Variants in MED25 observed in about 807,000 individuals in gnomAD.
The protein encoded by MED25 is mediator complex subunit 25.
In MED25, 62 loss-of-function variants were observed where a neutral mutation model predicts 89.4. The ratio of observed to expected loss-of-function variants is 0.69; its 90% CI spans 0.57 to 0.86. The LOEUF is 0.86. MED25 is among the 40% of genes least tolerant of loss of function. The pLI is 0.00. For synonymous variants in MED25, 449 were observed against 427.9 expected (o/e 1.05, Z -0.61); for missense variants, 905 against 1,005.2 (o/e 0.90, Z 1.35).
chr19:49,827,109 G>C (rs920918976), intron 3 of MED25, among the ~76,000 whole-genome samples: 1 of 152,118 alleles, frequency 6.6e-6, no homozygotes, highest in Non-Finnish European at 1.5e-5. Flanking sequence ...CACACTTCAG[G>C]GGGACAGGGC....
intron 3 of MED25, among the ~76,000 whole-genome samples, chr19:49,822,424 A>G (rs953955199): frequency 1.3e-5 from 2 of 152,000 alleles, no homozygotes; most frequent in African/African-American, 4.8e-5. Flanking sequence ...TGACTGACTG[A>G]GACCCTGTCT....
At chr19:49,822,262 C>CA (rs1220883878) in intron 3 of MED25, among the ~76,000 whole-genome samples, 7,813 of 47,850 alleles carry the variant, frequency 0.16, 474 homozygotes, top group Non-Finnish European at 0.18. Context: ...GACTCTGTCT[C>CA]AAAAAAAAAA....
chr19:49,828,408 G>A, intron 3 of MED25, 41 bp from the exon 4 acceptor site: 1 of 1,366,666 alleles, frequency 7.3e-7, no homozygotes. Context: ...TGGGGATGGG[G>A]ATGATGGCAA....
chr19:49,832,900 G>T, intron 13 of MED25: 1 of 235,838 alleles, frequency 4.2e-6, no homozygotes, highest in African/African-American at 2.3e-5. Context: ...ATCGCTCCAG[G>T]GTCTTCCTCC....
chr19:49,835,881 TCCTTCGGCCCCAGAACCCTGGGGCCAA>T lies in MED25; in HGVS notation c.1904_1930del (p.Leu635_Asn643del). 6.2e-7 allele frequency: 1 copy of T among 1,612,524 alleles called. No individual in the cohort carries two copies. Among genetic ancestry groups the T allele is most frequent in the Non-Finnish European group, 8.5e-7 (1 of 1,179,800 alleles). On this transcript the variant is annotated inframe_deletion, in exon 16 of 18. Transcript: ENST00000312865. The surrounding 1 kb of genome is among the most constrained non-coding windows in gnomAD (Gnocchi z 6.2). ...TCTGGCCCACCCCCTCCTGGACCCA[TCCTTCGGCCCCAGAACCCTGGGGCCAA>T]CCCTCAGCTGCGAAGCCTCCTCCTC...
Position 49,829,748 on chromosome 19 carries a change from A to C in MED25, c.526-38A>C. 6.4e-7 allele frequency: 1 copy of C among 1,558,016 alleles called. No homozygotes were observed. Among genetic ancestry groups the C allele is most frequent in the African/African-American group, 1.4e-5 (1 of 73,498 alleles). On this transcript the variant is annotated intron_variant, in intron 5 of 17. Coordinates refer to ENST00000312865, the MANE Select transcript of MED25 (RefSeq NM_030973.4). The surrounding 1 kb of genome is among the most constrained non-coding windows in gnomAD (Gnocchi z 4.6). The stretch of plus-strand genomic sequence containing the variant: ...GGGGCCGGCCCCAACACCCTTATGG[A>C]GGGGGCCCGTCATGACTGCTCGGCC...
At position 49,835,538 on chromosome 19, in the gene MED25, G is replaced by A. The variant is rs926634565; in HGVS notation, c.1679G>A (p.Gly560Glu). The change falls in exon 15 of 18, where the codon GGG becomes GAG. Residue 560 changes from glycine to glutamate, a missense_variant. Coordinates refer to ENST00000312865, the MANE Select transcript of MED25 (RefSeq NM_030973.4). This position sits in a 1 kb window ranked among gnomAD's most constrained non-coding sequence, Gnocchi z 6.2. ...QKLEQQQRGM[G>E]GQQAPPGLGP... ...TGCCCCTCTCTCCCCGTGCAGATGG[G>A]GGGACAGCAGGCACCCCCAGGGCTG... is the stretch of plus-strand genomic sequence containing the variant. 5 of 1,558,898 alleles carry A rather than the reference G, an allele frequency of 3.2e-6. No homozygotes were observed. The highest frequency in any genetic ancestry group is 1.7e-6 in the Non-Finnish European group (2 of 1,152,130).
At position 49,834,577 on chromosome 19, in the gene MED25, C is replaced by T. The variant is rs746400651; in HGVS notation, c.1483-409C>T. 3.3e-6 allele frequency: 1 copy of T among 300,848 alleles called. No homozygotes were observed. 18.6% of individuals were successfully genotyped at this position (300,848 alleles called of 1,614,324 possible). ...GAGGGCTGGAGGATCTCTTGGATAC[C>T]CGGGGTCCGACCCACCGTTGATCAC... is the stretch of plus-strand genomic sequence containing the variant. On this transcript the variant is annotated intron_variant, in intron 13 of 17. Transcript: ENST00000312865. This position sits in a 1 kb window ranked among gnomAD's most constrained non-coding sequence, Gnocchi z 4.1.
At chr19:49,823,033 C>T (rs558179336) in intron 3 of MED25, among the ~76,000 whole-genome samples, 3 of 152,200 alleles carry the variant, frequency 2.0e-5, no homozygotes, top group South Asian at 2.1e-4. Flanking sequence ...GCTGCAGCCT[C>T]GACCTCTCGG....
chr19:49,829,187 G>GAGGAGGCAC lies in MED25; in HGVS notation c.525+98_525+106dup. 1 of 1,124,600 alleles carries GAGGAGGCAC rather than the reference G, an allele frequency of 8.9e-7. No individual in the cohort carries two copies. The highest frequency in any genetic ancestry group is 1.3e-5 in the South Asian group (1 of 76,614). The allele number at this position is 1,124,600 out of a possible 1,614,324, so 69.7% of individuals were successfully genotyped here. Reference sequence around the variant, plus strand: ...AGGGCCTGGACTCCTGGGTCTGAGGGAGGAGGCACTGGGGGCCTGGACTCT... The same window carrying GAGGAGGCAC: ...AGGGCCTGGACTCCTGGGTCTGAGGGAGGAGGCACAGGAGGCACTGGGGGCCTGGACTCT... On this transcript the variant is annotated intron_variant, in intron 5 of 17. Coordinates refer to ENST00000312865, the MANE Select transcript of MED25 (RefSeq NM_030973.4). This position sits in a 1 kb window ranked among gnomAD's most constrained non-coding sequence, Gnocchi z 4.6.
intron 3 of MED25, among the ~76,000 whole-genome samples, chr19:49,826,463 C>T (rs996252482): frequency 6.6e-6 from 1 of 152,178 alleles, no homozygotes; most frequent in Non-Finnish European, 1.5e-5. Context: ...GCTCACTGGC[C>T]GGGCCGAGTG....
In MED25 at chr19:49,836,220, T is replaced by G. The variant is rs2123889035; in HGVS notation, c.1966-6T>G. The G allele has an allele frequency of 6.2e-7, 1 of 1,611,388 alleles. No individual in the cohort carries two copies. Among genetic ancestry groups the G allele is most frequent in the East Asian group, 2.2e-5 (1 of 44,838 alleles). ...AGCCTCTGAGCCACTCTCTGTGTTCTCCCAGCCGCAGACTGGGGTGCCCCC... is the reference window on the plus strand; with the variant it reads ...AGCCTCTGAGCCACTCTCTGTGTTCGCCCAGCCGCAGACTGGGGTGCCCCC... On this transcript the variant is annotated splice_region_variant and splice_polypyrimidine_tract_variant and intron_variant, in intron 16 of 17. Transcript: ENST00000312865. The surrounding 1 kb of genome is among the most constrained non-coding windows in gnomAD (Gnocchi z 5.1).
Position 49,830,138 on chromosome 19 carries a change from C to G in MED25, c.739C>G (p.Leu247Val), listed in dbSNP as rs759747760. ...GPLQSKQPVP[L>V]PPAAPSGATL... The stretch of plus-strand genomic sequence containing the variant: ...CCTCCAGTCAAAGCAGCCAGTCCCC[C>G]TGCCTCCCGCCGCACCCTCAGGTGC... Residue 247 changes from leucine to valine, a missense_variant, in exon 7 of 18, where the codon CTG (leucine) becomes GTG (valine). Transcript: ENST00000312865. The surrounding 1 kb of genome is among the most constrained non-coding windows in gnomAD (Gnocchi z 4.6). 1.2e-6 allele frequency: 2 copies of G among 1,608,014 alleles called. No individual in the cohort carries two copies. The highest frequency in any genetic ancestry group is 1.1e-5 in the South Asian group (1 of 90,950).
chr19:49,820,127 T>C (rs936782530), intron 3 of MED25, among the ~76,000 whole-genome samples: 2 of 151,958 alleles, frequency 1.3e-5, no homozygotes, highest in African/African-American at 2.4e-5. Context: ...TGAGCCACTG[T>C]TGCGGGATTC....
chr19:49,830,623 G>A lies in MED25; in HGVS notation c.907+25G>A. ...TGTGAGTCCTGGAGTGAGGATGAAGGGCGGGCAGGGGCCAGGCAGGCCTCT... is the reference window on the plus strand; with the variant it reads ...TGTGAGTCCTGGAGTGAGGATGAAGAGCGGGCAGGGGCCAGGCAGGCCTCT... On this transcript the variant is annotated intron_variant, in intron 8 of 17. Coordinates refer to ENST00000312865, the MANE Select transcript of MED25 (RefSeq NM_030973.4). The surrounding 1 kb of genome is among the most constrained non-coding windows in gnomAD (Gnocchi z 4.6). 6.2e-7 allele frequency: 1 copy of A among 1,613,510 alleles called. No individual in the cohort carries two copies. Among genetic ancestry groups the A allele is most frequent in the Non-Finnish European group, 8.5e-7 (1 of 1,179,456 alleles).
rs763811139 is a variant in MED25, at chr19:49,836,676, T to C, written c.2147-171T>C. ...GGTCTTAGGGCCAGAGAAGTAGTTTTGGAGAAGGGCCCCCAAAGGCTCATG... is the reference window on the plus strand; with the variant it reads ...GGTCTTAGGGCCAGAGAAGTAGTTTCGGAGAAGGGCCCCCAAAGGCTCATG... On this transcript the variant is annotated intron_variant, in intron 17 of 17. Coordinates refer to ENST00000312865, the MANE Select transcript of MED25 (RefSeq NM_030973.4). The surrounding 1 kb of genome is among the most constrained non-coding windows in gnomAD (Gnocchi z 5.1). 1 of 739,364 alleles carries C rather than the reference T, an allele frequency of 1.4e-6. No homozygotes were observed. The highest frequency in any genetic ancestry group is 1.5e-5 in the South Asian group (1 of 67,226). The allele number at this position is 739,364 out of a possible 1,614,324, so 45.8% of individuals were successfully genotyped here.
Position 49,836,952 on chromosome 19 carries a change from A to G in MED25, c.*8A>G, listed in dbSNP as rs780629667. ...CTCATGGATCTCATCTGAATCCCCA[A>G]CACCCAATAAAGTTCCTTTTTAACA... On this transcript the variant is annotated 3_prime_UTR_variant, in exon 18 of 18. Coordinates refer to ENST00000312865, the MANE Select transcript of MED25 (RefSeq NM_030973.4). This position sits in a 1 kb window ranked among gnomAD's most constrained non-coding sequence, Gnocchi z 5.1. The G allele has an allele frequency of 2.5e-6, 4 of 1,608,444 alleles. No individual in the cohort carries two copies. In the East Asian group the frequency reaches 8.9e-5, roughly 36 times the overall value.
chr19:49,832,388 C>T lies in MED25; in HGVS notation c.1455C>T (p.Gly485=), dbSNP rs765634152. The T allele has an allele frequency of 6.8e-6, 11 of 1,608,442 alleles. No homozygotes were observed. Among genetic ancestry groups the T allele is most frequent in the Non-Finnish European group, 8.5e-6 (10 of 1,176,090 alleles). The change falls in exon 13 of 18, where the codon GGC becomes GGT. Residue 485 remains glycine (G), a synonymous_variant. Transcript: ENST00000312865. The part of the protein sequence containing the change: ...FTNKDLESLK[G]LYRIMGNGFA... ...ACAAGGACCTGGAGTCTCTCAAAGG[C>T]CTCTACCGCATCATGGGCAACGGCT...
rs1275650384 is a variant in MED25 at position 49,831,959 on chromosome 19, T to A, written c.1254T>A (p.Asp418Glu). The A allele has an allele frequency of 1.2e-6, 2 of 1,613,912 alleles. No homozygotes were observed. The highest frequency in any genetic ancestry group is 4.5e-5 in the East Asian group (2 of 44,876). ...AGAAACCCAAACCTGCCTCAGTGGATGCCAACACCAAGCTGACGCGGTCAC... is the reference window on the plus strand; with the variant it reads ...AGAAACCCAAACCTGCCTCAGTGGAAGCCAACACCAAGCTGACGCGGTCAC... Reference protein sequence around the residue: ...WQEKPKPASVDANTKLTRSLP... With the variant: ...WQEKPKPASVEANTKLTRSLP... The change falls in exon 11 of 18, where the codon GAT becomes GAA. Residue 418 changes from aspartate (D) to glutamate (E), a missense_variant. Around this residue, in one of 3 missense-constraint regions of MED25, gnomAD observed 133 missense variants for 220.2 expected, o/e 0.60. Transcript: ENST00000312865. This position sits in a 1 kb window ranked among gnomAD's most constrained non-coding sequence, Gnocchi z 5.0.
Sources: gnomAD v4.1 joint callset for allele counts (sites outside exome capture counted in the v4.1 genomes callset) on GRCh38, gnomAD v4.1.1 for gene constraint, gnomAD v4.1.1 regional missense constraint, Gnocchi (gnomAD v3.1) non-coding constraint, MANE v1.5 for transcripts, NCBI Gene and HGNC (gene_info 2026-07-23, HGNC 2026-07-21) for gene names.